Variants in LRRC4C observed in about 807,000 individuals in gnomAD.
LRRC4C encodes the protein leucine rich repeat containing 4C.
A neutral mutation model predicts 33.6 loss-of-function variants in LRRC4C; 5 were observed. That is an observed-to-expected ratio of 0.15 (90% CI 0.08 to 0.31). The LOEUF (loss-of-function observed/expected upper bound fraction) is 0.31, where lower values mean the gene tolerates loss of function less well. Among genes scored for constraint, LRRC4C ranks in the 10% least tolerant of loss-of-function variants. LRRC4C has a pLI of 1.00. For synonymous variants in LRRC4C, 329 were observed against 302.0 expected, an observed-to-expected ratio of 1.09 and a Z score of -0.93; for missense variants, 560 against 796.7, an observed-to-expected ratio of 0.70 and a Z score of 3.58.
intron 2 of LRRC4C, among the ~76,000 whole-genome samples, chr11:40,842,146 C>T (rs1952942064): frequency 6.6e-6 from 1 of 152,198 alleles, no homozygotes; most frequent in Non-Finnish European, 1.5e-5. Context: ...TTCATTATCA[C>T]TTACACCTGT....
chr11:40,418,960 T>C (rs6485195), intron 3 of LRRC4C, among the ~76,000 whole-genome samples: 3,748 of 151,936 alleles, frequency 0.025, 155 homozygotes, highest in African/African-American at 0.085. Context: ...ACAACACACA[T>C]TTGGGCCTGG....
In LRRC4C at chr11:41,279,427, CA is replaced by C. The variant is rs1195599840; in HGVS notation, c.-496+180003del. Among the ~76,000 whole-genome samples, 16 of 142,214 alleles carry C rather than the reference CA, an allele frequency of 1.1e-4. 1 individual carries two copies. Among genetic ancestry groups the C allele is most frequent in the African/African-American group, 2.9e-4 (11 of 38,038 alleles). 93.3% of individuals were successfully genotyped at this position (142,214 alleles called of 152,430 possible). ...ACACACACACACACACACACACACACACCGTGGCAATCACTGCCTGCAATGG... is the reference window on the plus strand; with the variant it reads ...ACACACACACACACACACACACACACCCGTGGCAATCACTGCCTGCAATGG... On this transcript the variant is annotated intron_variant, in intron 1 of 6. Transcript: ENST00000528697.
At chr11:41,242,385 C>T (rs1228535032) in intron 1 of LRRC4C, among the ~76,000 whole-genome samples, 6 of 152,066 alleles carry the variant, frequency 3.9e-5, no homozygotes, top group East Asian at 1.9e-4. Flanking sequence ...GATAATCACA[C>T]CCATTTGTGC....
chr11:40,195,542 T>G (rs904101165), intron 5 of LRRC4C, among the ~76,000 whole-genome samples: 1 of 152,062 alleles, frequency 6.6e-6, no homozygotes, highest in Non-Finnish European at 1.5e-5. Flanking sequence ...CTGAAGGGCA[T>G]GTAAAATTTT....
At chr11:40,811,225 G>A (rs1951474879) in intron 2 of LRRC4C, among the ~76,000 whole-genome samples, 2 of 151,870 alleles carry the variant, frequency 1.3e-5, no homozygotes, top group African/African-American at 4.8e-5. Flanking sequence ...TCTAAAAGAG[G>A]CCCTCTCCAA....
At chr11:40,431,394 CA>C (rs572317927) in intron 3 of LRRC4C, among the ~76,000 whole-genome samples, 76 of 125,338 alleles carry the variant, frequency 6.1e-4, no homozygotes, top group Admixed American at 4.2e-3. Context: ...GACTCTGTCT[CA>C]AAAAAAAAAA....
At chr11:40,179,312 C>T (rs536492395) in intron 5 of LRRC4C, among the ~76,000 whole-genome samples, 41 of 152,250 alleles carry the variant, frequency 2.7e-4, no homozygotes, top group African/African-American at 9.4e-4. Context: ...CTGGTCATCC[C>T]TTTCTTAAAC....
At chr11:40,611,911 G>A (rs1228774282) in intron 3 of LRRC4C, among the ~76,000 whole-genome samples, 1 of 151,254 alleles carries the variant, frequency 6.6e-6, no homozygotes, top group African/African-American at 2.4e-5. Flanking sequence ...GGAGAAATTG[G>A]AACTCTTTTA....
At chr11:41,146,352 T>C (rs373815736) in intron 1 of LRRC4C, among the ~76,000 whole-genome samples, 2 of 152,246 alleles carry the variant, frequency 1.3e-5, no homozygotes, top group African/African-American at 4.8e-5. Flanking sequence ...GAACTGTCTG[T>C]GGATGACACA....
chr11:41,451,794 A>G (rs1956033282), intron 1 of LRRC4C, among the ~76,000 whole-genome samples: 1 of 152,134 alleles, frequency 6.6e-6, no homozygotes, highest in South Asian at 2.1e-4. Context: ...AATGCTTAAT[A>G]GTAGTCCAGG....
chr11:40,601,973 G>A (rs1020736122), intron 3 of LRRC4C, among the ~76,000 whole-genome samples: 2 of 151,790 alleles, frequency 1.3e-5, no homozygotes, highest in African/African-American at 4.8e-5. Flanking sequence ...GGCAGAACAC[G>A]AGGTCAGGAG....
chr11:41,071,908 C>T (rs576919020), intron 1 of LRRC4C, among the ~76,000 whole-genome samples: 4 of 152,198 alleles, frequency 2.6e-5, no homozygotes, highest in Non-Finnish European at 4.4e-5. Flanking sequence ...TTGAGGGTTT[C>T]AAGACTTTAG....
intron 5 of LRRC4C, among the ~76,000 whole-genome samples, chr11:40,142,307 T>G (rs1486724351): frequency 1.5e-5 from 2 of 133,300 alleles, no homozygotes; most frequent in African/African-American, 5.5e-5. Context: ...AAAAAAAACC[T>G]CGATTTTATA....
chr11:41,038,403 C>T (rs753567062), intron 1 of LRRC4C, among the ~76,000 whole-genome samples: 3 of 152,160 alleles, frequency 2.0e-5, no homozygotes, highest in Non-Finnish European at 4.4e-5. Context: ...TCCCTAACCT[C>T]ATTTACATTT....
chr11:40,655,803 A>G (rs544587495), intron 2 of LRRC4C, among the ~76,000 whole-genome samples: 1 of 152,344 alleles, frequency 6.6e-6, no homozygotes, highest in East Asian at 1.9e-4. Context: ...GAAACTGGAA[A>G]AGACAAAGGA....
intron 3 of LRRC4C, among the ~76,000 whole-genome samples, chr11:40,554,108 ATT>A (rs1194159655): frequency 1.3e-5 from 2 of 152,062 alleles, no homozygotes; most frequent in African/African-American, 2.4e-5. Flanking sequence ...TCCTGAGTTA[ATT>A]TTTTTATATG....
chr11:40,381,981 G>T, intron 3 of LRRC4C, among the ~76,000 whole-genome samples: 1 of 116,828 alleles, frequency 8.6e-6, no homozygotes, highest in South Asian at 3.1e-4. Flanking sequence ...TTTTTTGAGA[G>T]AGTCCCGCTC....
chr11:40,577,826 TTTTTTC>T (rs1958258057), intron 3 of LRRC4C, among the ~76,000 whole-genome samples: 2 of 141,252 alleles, frequency 1.4e-5, no homozygotes, highest in Non-Finnish European at 3.1e-5. Flanking sequence ...GTTTGTTTTC[TTTTTTC>T]TTTTTTTTTT....
intron 5 of LRRC4C, among the ~76,000 whole-genome samples, chr11:40,211,170 T>G (rs546754531): frequency 6.6e-6 from 1 of 152,340 alleles, no homozygotes; most frequent in African/African-American, 2.4e-5. Flanking sequence ...CCTGAAATTA[T>G]ATTATAGATT....
Sources: gnomAD v4.1 joint callset for allele counts (sites outside exome capture counted in the v4.1 genomes callset) on GRCh38, gnomAD v4.1.1 for gene constraint, MANE v1.5 for transcripts, NCBI Gene and HGNC (gene_info 2026-07-23, HGNC 2026-07-21) for gene names.